The following MAML2 variants were observed in gnomAD, a reference collection of about 807,000 sequenced individuals.
MAML2 encodes the protein mastermind-like protein 2.
MAML2 carries 22 observed loss-of-function variants against 96.1 expected under a neutral mutation model. That is an observed-to-expected ratio of 0.23 (90% CI 0.16 to 0.33). MAML2 has a LOEUF of 0.33. MAML2 is among the 10% of genes least tolerant of loss of function. The pLI is 1.00. For missense variants in MAML2, 1,367 were observed against 1,392.4 expected (o/e 0.98, Z 0.29); for synonymous variants, 561 against 521.3 (o/e 1.08, Z -1.04).
At position 95,990,012 on chromosome 11, in the gene MAML2, T is replaced by C. The variant is rs11021368; in HGVS notation, c.2343+1508A>G. ...TTGGTGCTCCACCCTCCACCTACAA[T>C]AGTGGACCCCACCTACTCTATCAGA... On this transcript the variant is annotated intron_variant, in intron 3 of 4. Transcript: ENST00000524717. Among the ~76,000 whole-genome samples, 1,185 of 152,226 alleles carry C rather than the reference T, an allele frequency of 7.8e-3. 13 individuals carry two copies. Among genetic ancestry groups the C allele is most frequent in the Middle Eastern group, 0.041 (12 of 294 alleles).
chr11:96,311,222 A>C (rs1214852055), intron 1 of MAML2, among the ~76,000 whole-genome samples: 1 of 152,202 alleles, frequency 6.6e-6, no homozygotes, highest in Non-Finnish European at 1.5e-5. Context: ...GGAGTTTGAG[A>C]AGTCATGTGA....
chr11:96,058,116 T>C (rs2135775255), intron 2 of MAML2, among the ~76,000 whole-genome samples: 1 of 152,330 alleles, frequency 6.6e-6, no homozygotes, highest in South Asian at 2.1e-4. Flanking sequence ...TGAGTAGATT[T>C]GGGGACCAAA....
intron 2 of MAML2, among the ~76,000 whole-genome samples, chr11:96,030,056 AC>A (rs1421882058): frequency 6.6e-6 from 1 of 152,108 alleles, no homozygotes; most frequent in Non-Finnish European, 1.5e-5. Flanking sequence ...ACACAGTGAA[AC>A]CCCGTCTCTG....
At chr11:96,196,474 G>A (rs1364128781) in intron 1 of MAML2, among the ~76,000 whole-genome samples, 2 of 152,190 alleles carry the variant, frequency 1.3e-5, no homozygotes, top group African/African-American at 2.4e-5. Flanking sequence ...AAAAGGAGAC[G>A]TGTAAAAAAA....
At chr11:96,077,338 A>G (rs575610293) in intron 2 of MAML2, among the ~76,000 whole-genome samples, 2 of 147,022 alleles carry the variant, frequency 1.4e-5, no homozygotes, top group South Asian at 4.3e-4. Flanking sequence ...TTCCTGCCCC[A>G]GCCTCCCAAG....
intron 1 of MAML2, among the ~76,000 whole-genome samples, chr11:96,207,278 A>C (rs1861909000): frequency 6.6e-6 from 1 of 152,214 alleles, no homozygotes; most frequent in South Asian, 2.1e-4. Flanking sequence ...CCCATCTTTT[A>C]AGCCTCTTAA....
At chr11:96,179,585 C>T (rs1384693648) in intron 1 of MAML2, among the ~76,000 whole-genome samples, 2 of 152,208 alleles carry the variant, frequency 1.3e-5, no homozygotes, top group African/African-American at 4.8e-5. Context: ...CAGGATCCTG[C>T]TCCAGGTCTC....
chr11:95,986,273 C>T (rs1444627362), intron 3 of MAML2, among the ~76,000 whole-genome samples: 1 of 151,102 alleles, frequency 6.6e-6, no homozygotes, highest in South Asian at 2.1e-4. Flanking sequence ...GGTGTGATCT[C>T]GGCTTACTGC....
chr11:96,159,410 TTTTTTTTTTTTTTTTTTTTTGA>T, intron 1 of MAML2, among the ~76,000 whole-genome samples: 1 of 111,920 alleles, frequency 8.9e-6, no homozygotes, highest in East Asian at 3.2e-4. Flanking sequence ...ACTGATTCTT[TTTTTTTTTTTTTTTTTTTTTGA>T]GACGGAGTCT....
chr11:96,218,107 T>C (rs1247723886), intron 1 of MAML2, among the ~76,000 whole-genome samples: 1 of 152,268 alleles, frequency 6.6e-6, no homozygotes, highest in Non-Finnish European at 1.5e-5. Flanking sequence ...ATTTGCTTTC[T>C]GCGTCGAGGT....
chr11:96,236,449 A>AT (rs199850237), intron 1 of MAML2, among the ~76,000 whole-genome samples: 6 of 152,032 alleles, frequency 3.9e-5, no homozygotes, highest in African/African-American at 7.2e-5. Context: ...TCAAATAAAC[A>AT]TTTTTTTCCC....
intron 1 of MAML2, among the ~76,000 whole-genome samples, chr11:96,105,046 T>C (rs997916405): frequency 1.3e-5 from 2 of 152,192 alleles, no homozygotes; most frequent in Non-Finnish European, 2.9e-5. Flanking sequence ...AAACAAAGAA[T>C]AAAACCAATA....
At chr11:96,095,775 A>G (rs1319175998) in intron 1 of MAML2, among the ~76,000 whole-genome samples, 2 of 152,222 alleles carry the variant, frequency 1.3e-5, no homozygotes, top group Non-Finnish European at 2.9e-5. Flanking sequence ...GTTACTTTCA[A>G]CAAAGAGTTC....
rs768546144 is a variant in MAML2, at chr11:95,978,998, C to T, written c.3421G>A (p.Asp1141Asn). ...TCAAGATTGATGTCTTTCATCCAGT[C>T]ATCATTACCAGGCTCTGTCTTCAAT... is the stretch of plus-strand genomic sequence containing the variant. ...SLLKTEPGND[D>N]WMKDINLDEI... The change falls in exon 5 of 5, where the codon GAC becomes AAC. Residue 1141 changes from aspartate (D) to asparagine (N), a missense_variant. By Grantham distance (23) the Asp-to-Asn change is conservative (BLOSUM62 1). Coordinates refer to ENST00000524717, the MANE Select transcript of MAML2 (RefSeq NM_032427.4). 3 of 1,613,662 alleles carry T rather than the reference C, an allele frequency of 1.9e-6. No individual in the cohort carries two copies. The highest frequency in any genetic ancestry group is 3.3e-4 in the Middle Eastern group (2 of 6,056).
At chr11:96,052,304 A>C (rs1032446630) in intron 2 of MAML2, among the ~76,000 whole-genome samples, 3 of 152,326 alleles carry the variant, frequency 2.0e-5, no homozygotes, top group Middle Eastern at 3.4e-3. Context: ...TTGAAAATGC[A>C]TTAAGAACCC....
intron 1 of MAML2, among the ~76,000 whole-genome samples, chr11:96,236,769 C>T (rs1468190517): frequency 1.3e-5 from 2 of 152,056 alleles, no homozygotes; most frequent in Non-Finnish European, 2.9e-5. Context: ...TGTTATCAAC[C>T]CTACAGATAA....
chr11:96,022,862 A>G (rs1051436180), intron 2 of MAML2, among the ~76,000 whole-genome samples: 11 of 152,198 alleles, frequency 7.2e-5, no homozygotes, highest in Non-Finnish European at 1.5e-4. Flanking sequence ...GACAATGAGG[A>G]TGTTTGGAAC....
rs768630257 is a variant in MAML2 at position 96,093,003 on chromosome 11, T to G, written c.1028A>C (p.Asp343Ala). The G allele has an allele frequency of 1.2e-6, 2 of 1,613,992 alleles. No individual in the cohort carries two copies. Among genetic ancestry groups the G allele is most frequent in the African/African-American group, 1.3e-5 (1 of 75,052 alleles). Residue 343 changes from aspartate to alanine, a missense_variant, in exon 2 of 5, where the codon GAC (aspartate) becomes GCC (alanine). By Grantham distance (126) the Asp-to-Ala change is moderately radical (BLOSUM62 -2). Transcript: ENST00000524717. The part of the protein sequence containing the change: ...TIKQDDPFNI[D>A]LGQQSQRSTP... ...GCTCCTCTGGCTTTGCTGACCCAAGTCAATGTTAAATGGGTCATCCTGCTT... is the reference window on the plus strand; with the variant it reads ...GCTCCTCTGGCTTTGCTGACCCAAGGCAATGTTAAATGGGTCATCCTGCTT...
At chr11:96,171,879 C>T (rs920297809) in intron 1 of MAML2, among the ~76,000 whole-genome samples, 13 of 152,304 alleles carry the variant, frequency 8.5e-5, no homozygotes, top group African/African-American at 2.6e-4. Context: ...CAGCAGTGTC[C>T]CTCAGAAGAA....
Sources: allele counts gnomAD v4.1 joint callset (sites outside exome capture counted in the v4.1 genomes callset), GRCh38; gene constraint gnomAD v4.1.1; transcripts MANE v1.5; gene names NCBI Gene and HGNC (gene_info 2026-07-23, HGNC 2026-07-21).